MCM6: variants seen among roughly 807,000 people sequenced by gnomAD.
The protein encoded by MCM6 is DNA replication licensing factor MCM6.
MCM6 carries 46 observed loss-of-function variants against 94.3 expected under a neutral mutation model. The observed-to-expected ratio is 0.49, with a 90% confidence interval of 0.39 to 0.62. The LOEUF (loss-of-function observed/expected upper bound fraction) is 0.62. Ranked by LOEUF, MCM6 falls within the 20% of genes least tolerant of loss-of-function variation. The pLI is 0.00. For synonymous variants in MCM6, 335 were observed against 351.9 expected (o/e 0.95, Z 0.54); for missense variants, 865 against 1,017.9 (o/e 0.85, Z 2.04).
At position 135,867,369 on chromosome 2, in the gene MCM6, TC is replaced by T. The variant is rs527569087; in HGVS notation, c.616-642del. On this transcript the variant is annotated intron_variant, in intron 4 of 16. Transcript: ENST00000264156. ...AAGAGTGTCCTTTATACAGTTGTGT[TC>T]CCCCCCCCAAACTAAGACCCAATCT... Among the ~76,000 whole-genome samples, 323 of 150,218 alleles carry T rather than the reference TC, an allele frequency of 2.2e-3. 1 individual carries two copies. Among genetic ancestry groups the T allele is most frequent in the Non-Finnish European group, 2.3e-3 (158 of 67,472 alleles).
At position 135,846,282 on chromosome 2, in the gene MCM6, G is replaced by A. The variant is rs1215512211; in HGVS notation, c.2164C>T (p.Arg722Ter). 2 of 1,614,052 alleles carry A rather than the reference G, an allele frequency of 1.2e-6. No individual in the cohort carries two copies. Among genetic ancestry groups the A allele is most frequent in the Admixed American group, 1.7e-5 (1 of 60,016 alleles). Residue 722 changes from arginine (R) to a stop codon, truncating the protein, a stop_gained, in exon 15 of 17, where the codon CGA (arginine) becomes TGA (stop). Coordinates refer to ENST00000264156, the MANE Select transcript of MCM6 (RefSeq NM_005915.6). LOFTEE classifies it high-confidence loss of function. ...SLRLGFSEYC[R>*]ISNLIVLHLR... ...TGAAGCACAATAAGGTTAGAGATTCGGCAGTACTCAGAGAAGCCCAGCCTT... is the reference window on the plus strand; with the variant it reads ...TGAAGCACAATAAGGTTAGAGATTCAGCAGTACTCAGAGAAGCCCAGCCTT...
chr2:135,866,294 G>A lies in MCM6; in HGVS notation c.782-17C>T. ...CACGTGCTCCTGAAACAGAATGATAGGTTGTTTCACAACTTAAATATTAAA... is the reference window on the plus strand; with the variant it reads ...CACGTGCTCCTGAAACAGAATGATAAGTTGTTTCACAACTTAAATATTAAA... On this transcript the variant is annotated splice_polypyrimidine_tract_variant and intron_variant, in intron 5 of 16. Coordinates refer to ENST00000264156, the MANE Select transcript of MCM6 (RefSeq NM_005915.6). 6.2e-7 allele frequency: 1 copy of A among 1,612,658 alleles called. No individual in the cohort carries two copies. The highest frequency in any genetic ancestry group is 8.5e-7 in the Non-Finnish European group (1 of 1,179,200).
intron 12 of MCM6, 25 bp from the exon 13 acceptor site, chr2:135,851,588 A>G: frequency 1.9e-6 from 3 of 1,562,282 alleles, no homozygotes; most frequent in Non-Finnish European, 2.6e-6. Context: ...CACTCAAGTT[A>G]GAGAAACATT....
Position 135,857,921 on chromosome 2 carries a change from T to C in MCM6, c.1446A>G (p.Ile482Met). ...CCTTCACTCCTGCTTTAGTGATGGA[T>C]ATGGTCTGCTGTTCCATAGCTTCAT... is the stretch of plus-strand genomic sequence containing the variant. ...AIHEAMEQQT[I>M]SITKAGVKAT... Residue 482 changes from isoleucine to methionine, a missense_variant, in exon 10 of 17, where the codon ATA (isoleucine) becomes ATG (methionine). This residue lies in a region of MCM6 where 153 missense variants were observed against 241.5 expected (regional missense o/e 0.63). Coordinates refer to ENST00000264156, the MANE Select transcript of MCM6 (RefSeq NM_005915.6). 1 of 1,614,038 alleles carries C rather than the reference T, an allele frequency of 6.2e-7. No homozygotes were observed.
At position 135,843,738 on chromosome 2, in the gene MCM6, A is replaced by AAAAAAAAAC. The variant is rs1553437372; in HGVS notation, c.2349+806_2349+807insGTTTTTTTT. 5.1e-4 allele frequency among the ~76,000 whole-genome samples: 74 copies of AAAAAAAAAC among 143,974 alleles called. 1 individual carries two copies. The highest frequency in any genetic ancestry group is 1.9e-3 in the African/African-American group (68 of 36,014). 94.5% of individuals were successfully genotyped at this position (143,974 alleles called of 152,430 possible). On this transcript the variant is annotated intron_variant, in intron 16 of 16. Coordinates refer to ENST00000264156, the MANE Select transcript of MCM6 (RefSeq NM_005915.6). ...AGAGCGAAACTCTGTCTCAAAAAAAAAAAAAAAAAACAAAACCATTCAGGG... is the reference window on the plus strand; with the variant it reads ...AGAGCGAAACTCTGTCTCAAAAAAAAAAAAAAAACAAAAAAAAAACAAAACCATTCAGGG...
intron 13 of MCM6, among the ~76,000 whole-genome samples, chr2:135,850,603 G>A (rs572371271): frequency 1.3e-5 from 2 of 152,168 alleles, no homozygotes; most frequent in South Asian, 4.2e-4. Flanking sequence ...AAAATTTAGT[G>A]GAAAAAAGCC....
chr2:135,871,866 A>G (rs1680207992), intron 2 of MCM6, among the ~76,000 whole-genome samples: 1 of 152,222 alleles, frequency 6.6e-6, no homozygotes, highest in Admixed American at 6.5e-5. Context: ...ACGGTGGTGG[A>G]TTACAAGTGT....
intron 11 of MCM6, among the ~76,000 whole-genome samples, chr2:135,855,278 A>T (rs139826400): frequency 1.3e-5 from 2 of 152,394 alleles, no homozygotes; most frequent in East Asian, 3.9e-4. Flanking sequence ...ATGAATCATG[A>T]ACAAACATAA....
chr2:135,845,798 T>A (rs1002296246), intron 15 of MCM6, among the ~76,000 whole-genome samples: 2 of 152,198 alleles, frequency 1.3e-5, no homozygotes, highest in Non-Finnish European at 2.9e-5. Context: ...AATAACTACA[T>A]GAGGATTTTA....
intron 2 of MCM6, among the ~76,000 whole-genome samples, chr2:135,872,441 C>T (rs1437083254): frequency 6.6e-6 from 1 of 150,576 alleles, no homozygotes; most frequent in Non-Finnish European, 1.5e-5. Flanking sequence ...CAGAGCAAGA[C>T]TCCGTCTCAA....
intron 16 of MCM6, among the ~76,000 whole-genome samples, chr2:135,843,421 C>CT (rs1327973005): frequency 3.3e-5 from 5 of 151,998 alleles, no homozygotes; most frequent in African/African-American, 1.2e-4. Context: ...TGTAAACTAT[C>CT]TGAGAGTAAA....
At position 135,852,826 on chromosome 2, in the gene MCM6, G is replaced by T. The variant is rs1369998589; in HGVS notation, c.1716C>A (p.Ile572=). ...SIDRVYSLDD[I]RRYLLFARQF... ...GTCTTGCAAAGAGAAGATATCTTCTGATATCATCGAGGGAATAGACACGAT... is the reference window on the plus strand; with the variant it reads ...GTCTTGCAAAGAGAAGATATCTTCTTATATCATCGAGGGAATAGACACGAT... Residue 572 remains isoleucine (I), a synonymous_variant, in exon 12 of 17, where the codon ATC becomes ATA. Transcript: ENST00000264156. 6.2e-7 allele frequency: 1 copy of T among 1,609,110 alleles called. No homozygotes were observed. The highest frequency in any genetic ancestry group is 1.3e-5 in the African/African-American group (1 of 74,580).
chr2:135,869,545 A>T (rs1680165844), intron 3 of MCM6, among the ~76,000 whole-genome samples: 1 of 152,104 alleles, frequency 6.6e-6, no homozygotes, highest in South Asian at 2.1e-4. Flanking sequence ...CAAAGTTCAG[A>T]AACACTTCCT....
Position 135,840,529 on chromosome 2 carries a change from C to A in MCM6, c.*306G>T. ...ATTTGCTCAATAGGACAGCACATAC[C>A]TTAAAAGTAATGGGCCTTTTCTTAC... On this transcript the variant is annotated 3_prime_UTR_variant, in exon 17 of 17. Coordinates refer to ENST00000264156, the MANE Select transcript of MCM6 (RefSeq NM_005915.6). 2 of 249,432 alleles carry A rather than the reference C, an allele frequency of 8.0e-6. No homozygotes were observed. Among genetic ancestry groups the A allele is most frequent in the Non-Finnish European group, 1.5e-5 (2 of 129,034 alleles). The allele number at this position is 249,432 out of a possible 1,614,324, so 15.5% of individuals were successfully genotyped here. A position where few individuals can be genotyped will look rare whatever the true frequency, so the allele number is the denominator to read the frequency against.
intron 8 of MCM6, among the ~76,000 whole-genome samples, chr2:135,861,654 C>G (rs771181005): frequency 6.6e-6 from 1 of 152,066 alleles, no homozygotes; most frequent in African/African-American, 2.4e-5. Context: ...GCTCTGTTGC[C>G]CAGGATGGAG....
rs4988276 is a variant in MCM6, at chr2:135,841,782, A to G, written c.2350-831T>C. On this transcript the variant is annotated intron_variant, in intron 16 of 16. Coordinates refer to ENST00000264156, the MANE Select transcript of MCM6 (RefSeq NM_005915.6). Reference sequence around the variant, plus strand: ...ATAAGCTCTCTAGTTTTCTGTAGCAAATTAGTTCAGGTGGTAAGCCAAATT... The same window carrying G: ...ATAAGCTCTCTAGTTTTCTGTAGCAGATTAGTTCAGGTGGTAAGCCAAATT... 0.01 allele frequency among the ~76,000 whole-genome samples: 1,594 copies of G among 152,258 alleles called. 100 individuals carry two copies. The East Asian group carries it at 0.18, about 18-fold the overall frequency.
In MCM6 at chr2:135,848,175, T is replaced by C. The variant is rs1400989373; in HGVS notation, c.1931A>G (p.His644Arg). ...CAGTAACCGGAAAGCTTCCTTCACA[T>C]GTTTAGGTTGGACCTAAACCAATAA... is the stretch of plus-strand genomic sequence containing the variant. ...MHCCDEVQPKHVKEAFRLLNK... is the reference protein window; with the variant it reads ...MHCCDEVQPKRVKEAFRLLNK... The change falls in exon 14 of 17, where the codon CAT becomes CGT. Residue 644 changes from histidine to arginine, a missense_variant. By Grantham distance (29) the His-to-Arg change is conservative. Coordinates refer to ENST00000264156, the MANE Select transcript of MCM6 (RefSeq NM_005915.6). 1.2e-6 allele frequency: 2 copies of C among 1,611,566 alleles called. No homozygotes were observed. Among genetic ancestry groups the C allele is most frequent in the African/African-American group, 1.3e-5 (1 of 74,914 alleles).
In MCM6 at chr2:135,848,156, C is replaced by A. The variant is rs1679705655; in HGVS notation, c.1950G>T (p.Arg650=). Reference sequence around the variant, plus strand: ...CACGGATGATTGATTTATTCAGTAACCGGAAAGCTTCCTTCACATGTTTAG... The same window carrying A: ...CACGGATGATTGATTTATTCAGTAAACGGAAAGCTTCCTTCACATGTTTAG... ...VQPKHVKEAF[R]LLNKSIIRVE... The change falls in exon 14 of 17, where the codon CGG becomes CGT. Residue 650 remains arginine, a synonymous_variant. Coordinates refer to ENST00000264156, the MANE Select transcript of MCM6 (RefSeq NM_005915.6). 6.2e-7 allele frequency: 1 copy of A among 1,612,158 alleles called. No individual in the cohort carries two copies. The highest frequency in any genetic ancestry group is 8.5e-7 in the Non-Finnish European group (1 of 1,178,452).
intron 12 of MCM6, chr2:135,851,994 G>C (rs1272802450): frequency 6.5e-6 from 1 of 154,024 alleles, no homozygotes; most frequent in Non-Finnish European, 1.4e-5. Flanking sequence ...AGGATCCTCA[G>C]CTTTTCAGAG....
Sources: gnomAD v4.1 joint callset for allele counts (sites outside exome capture counted in the v4.1 genomes callset) on GRCh38, gnomAD v4.1.1 for gene constraint, gnomAD v4.1.1 regional missense constraint, MANE v1.5 for transcripts, NCBI Gene and HGNC (gene_info 2026-07-23, HGNC 2026-07-21) for gene names.